TBCD: variants seen among roughly 807,000 people sequenced by gnomAD.
TBCD encodes tubulin-specific chaperone D.
A neutral mutation model predicts 169.3 loss-of-function variants in TBCD; 105 were observed. The ratio of observed to expected loss-of-function variants is 0.62; its 90% CI spans 0.53 to 0.73. The LOEUF (loss-of-function observed/expected upper bound fraction) is 0.73, where lower values mean the gene tolerates loss of function less well. TBCD is among the 30% of genes least tolerant of loss of function. TBCD has a pLI of 0.00. For missense variants in TBCD, 1,444 were observed against 1,600.1 expected, an observed-to-expected ratio of 0.90 and a Z score of 1.66; for synonymous variants, 700 against 643.9, an observed-to-expected ratio of 1.09 and a Z score of -1.32.
chr17:82,941,683 T>A, intron 38 of TBCD, 200 bp downstream of exon 38: 1 of 571,986 alleles, frequency 1.7e-6, no homozygotes, highest in Non-Finnish European at 3.1e-6. Flanking sequence ...CCCTGTGGCA[T>A]CCAGGCCACT....
intron 15 of TBCD, among the ~76,000 whole-genome samples, chr17:82,888,597 C>G (rs1376807043): frequency 6.6e-6 from 1 of 152,370 alleles, no homozygotes; most frequent in East Asian, 1.9e-4. Context: ...TTCCTCCAAT[C>G]TCCAGCCCAG....
intron 14 of TBCD, among the ~76,000 whole-genome samples, chr17:82,876,260 G>C (rs2057964020): frequency 6.6e-6 from 1 of 152,204 alleles, no homozygotes; most frequent in Non-Finnish European, 1.5e-5. Context: ...CCATTTCTCT[G>C]TGTTGGGAAA....
intron 35 of TBCD, 89 bp from the exon 36 acceptor site, chr17:82,937,960 G>A (rs2062774355): frequency 6.4e-7 from 1 of 1,570,686 alleles, no homozygotes; most frequent in South Asian, 1.2e-5. Flanking sequence ...CTCTGCCCAG[G>A]TCTCTGCATG....
chr17:82,927,413 A>G, intron 29 of TBCD, 90 bp downstream of exon 29: 1 of 1,479,920 alleles, frequency 6.8e-7, no homozygotes, highest in South Asian at 1.3e-5. Flanking sequence ...TGCAGGGAGA[A>G]ATCTTTGTAG....
intron 23 of TBCD, among the ~76,000 whole-genome samples, chr17:82,916,460 G>C (rs528662582): frequency 6.6e-6 from 1 of 151,806 alleles, no homozygotes; most frequent in Admixed American, 6.6e-5. Flanking sequence ...GGCCAGGCTG[G>C]TCTTGAACTC....
At chr17:82,893,375 G>T (rs1187894979) in intron 16 of TBCD, among the ~76,000 whole-genome samples, 172 bp from the exon 17 acceptor site, 1 of 152,238 alleles carries the variant, frequency 6.6e-6, no homozygotes, top group East Asian at 1.9e-4. Flanking sequence ...GGAAGTCAGT[G>T]TGACGTGGAA....
At chr17:82,779,295 C>T (rs543893305) in intron 6 of TBCD, among the ~76,000 whole-genome samples, 10 of 152,152 alleles carry the variant, frequency 6.6e-5, no homozygotes, top group Non-Finnish European at 1.2e-4. Flanking sequence ...TGAGCCACTG[C>T]GCCTGGCCAA....
intron 14 of TBCD, among the ~76,000 whole-genome samples, chr17:82,883,810 C>T (rs1380883589): frequency 6.6e-6 from 1 of 152,234 alleles, no homozygotes; most frequent in Non-Finnish European, 1.5e-5. Flanking sequence ...GACCTCCCCA[C>T]CTCCTGCGCC....
chr17:82,876,837 G>T (rs938614422), intron 14 of TBCD: 27 of 295,606 alleles, frequency 9.1e-5, no homozygotes, highest in Admixed American at 1.3e-4. Context: ...GCCTGCTGCA[G>T]CCCTGTGGTC....
At position 82,900,721 on chromosome 17, in the gene TBCD, C is replaced by T. The variant is rs771477529; in HGVS notation, c.1720C>T (p.His574Tyr). 5.6e-6 allele frequency: 9 copies of T among 1,613,640 alleles called. No individual in the cohort carries two copies. Among genetic ancestry groups the T allele is most frequent in the Middle Eastern group, 1.6e-4 (1 of 6,084 alleles). Residue 574 changes from histidine (H) to tyrosine (Y), a missense_variant, in exon 18 of 39, where the codon CAC becomes TAC. His to Tyr is a moderately conservative substitution (Grantham distance 83). Transcript: ENST00000355528. ...CCACCTGGTTACCATGAAGATCAGC[C>T]ACTGGGATGGGTAGGTTTTCTGTTT... ...IDHLVTMKISHWDGVIRELAA... is the reference protein window; with the variant it reads ...IDHLVTMKISYWDGVIRELAA...
chr17:82,838,332 T>A (rs1018203195), intron 13 of TBCD, among the ~76,000 whole-genome samples: 1 of 120,874 alleles, frequency 8.3e-6, no homozygotes, highest in Non-Finnish European at 1.8e-5. Flanking sequence ...GAGAAAGAGT[T>A]CTTAAAAAAA....
At chr17:82,860,585 A>T in intron 13 of TBCD, 2 of 313,496 alleles carry the variant, frequency 6.4e-6, no homozygotes, top group Non-Finnish European at 9.3e-6. Context: ...CCACACTGGA[A>T]TCCAGTGCCC....
At chr17:82,772,528 T>A (rs2048359386) in intron 6 of TBCD, 21 bp downstream of exon 6, 1 of 1,613,672 alleles carries the variant, frequency 6.2e-7, no homozygotes. Flanking sequence ...ATGGCACATT[T>A]CTTGGTGTGT....
At chr17:82,887,113 C>T (rs2058766188) in intron 15 of TBCD, among the ~76,000 whole-genome samples, 1 of 148,410 alleles carries the variant, frequency 6.7e-6, no homozygotes, top group Non-Finnish European at 1.5e-5. Flanking sequence ...TTCCTTCTTC[C>T]TTGGTTTTAC....
chr17:82,850,961 C>G (rs935304008), intron 13 of TBCD, among the ~76,000 whole-genome samples: 1 of 152,186 alleles, frequency 6.6e-6, no homozygotes, highest in Non-Finnish European at 1.5e-5. Context: ...TGTGTGTGCA[C>G]ATACAATATT....
intron 13 of TBCD, chr17:82,840,685 C>T (rs2054400135): frequency 6.6e-6 from 1 of 152,310 alleles, no homozygotes; most frequent in Non-Finnish European, 1.5e-5. Flanking sequence ...GCTGTGCACT[C>T]CCGCAAACCA....
rs559146965 is a variant in TBCD, at chr17:82,831,062, G to A, written c.1318+16128G>A. ...GTGGTCTCAGCAGCCTGGGCAGGTA[G>A]GCATTCTGTGCTTTTCTTAACAGGC... On this transcript the variant is annotated intron_variant, in intron 13 of 38. Coordinates refer to ENST00000355528, the MANE Select transcript of TBCD (RefSeq NM_005993.5). The surrounding 1 kb of genome is among the most constrained non-coding windows in gnomAD (Gnocchi z 4.6). 6.2e-7 allele frequency: 1 copy of A among 1,614,202 alleles called. No individual in the cohort carries two copies. Among genetic ancestry groups the A allele is most frequent in the South Asian group, 1.1e-5 (1 of 91,088 alleles).
Position 82,829,125 on chromosome 17 carries a change from G to A in TBCD, c.1318+14191G>A, listed in dbSNP as rs578167634. On this transcript the variant is annotated intron_variant, in intron 13 of 38. Coordinates refer to ENST00000355528, the MANE Select transcript of TBCD (RefSeq NM_005993.5). ...GCGCACCCCCCACAGATATGCACAC[G>A]TGCACACCCACACAATAGAATGTGC... Among the ~76,000 whole-genome samples, 5 of 147,732 alleles carry A rather than the reference G, an allele frequency of 3.4e-5. No homozygotes were observed. The South Asian group carries it at 8.7e-4, about 26-fold the overall frequency.
At chr17:82,815,328 G>A (rs1054414184) in intron 13 of TBCD, among the ~76,000 whole-genome samples, 7 of 152,162 alleles carry the variant, frequency 4.6e-5, no homozygotes, top group African/African-American at 1.4e-4. Context: ...GGACATTGTC[G>A]CCCCTTAAGG....
Sources: gnomAD v4.1 joint callset for allele counts (sites outside exome capture counted in the v4.1 genomes callset) on GRCh38, gnomAD v4.1.1 for gene constraint, Gnocchi (gnomAD v3.1) non-coding constraint, MANE v1.5 for transcripts, NCBI Gene and HGNC (gene_info 2026-07-23, HGNC 2026-07-21) for gene names.